The following CUX1 variants were observed in gnomAD, a reference collection of about 807,000 sequenced individuals.
CUX1 encodes protein CASP.
In CUX1, 31 loss-of-function variants were observed where a neutral mutation model predicts 158.8. The observed-to-expected ratio is 0.20, with a 90% CI of 0.15 to 0.26. CUX1 has a LOEUF of 0.26. CUX1 is among the 10% of genes least tolerant of loss of function. CUX1 has a pLI of 1.00. For synonymous variants in CUX1, 879 were observed against 862.1 expected (o/e 1.02, Z -0.34); for missense variants, 1,589 against 2,014.6 (o/e 0.79, Z 4.04).
intron 13 of CUX1, 34 bp downstream of exon 13, chr7:102,193,924 T>A: frequency 6.2e-7 from 1 of 1,608,440 alleles, no homozygotes; most frequent in South Asian, 1.1e-5. Context: ...AGCACTAGCA[T>A]CAGCCCCGCT....
intron 2 of CUX1, among the ~76,000 whole-genome samples, chr7:101,937,874 A>G (rs1481677085): frequency 6.6e-6 from 1 of 152,140 alleles, no homozygotes; most frequent in African/African-American, 2.4e-5. Flanking sequence ...TTTCTAGCAA[A>G]TGTGAGTTCA....
At chr7:102,151,806 T>C (rs1835717452) in intron 8 of CUX1, among the ~76,000 whole-genome samples, 1 of 147,072 alleles carries the variant, frequency 6.8e-6, no homozygotes, top group East Asian at 2.1e-4. Context: ...TTGGTCCTGG[T>C]CTGCAAACAC....
Position 102,256,170 on chromosome 7 carries a change from C to T in CUX1, c.*7128C>T, listed in dbSNP as rs565996520. On this transcript the variant is annotated 3_prime_UTR_variant, in exon 24 of 24. Coordinates refer to ENST00000292535, the MANE Select transcript of CUX1 (RefSeq NM_181552.4). ...CTGACGAGGCAGGATAGGGAGTATC[C>T]GTGATTCAGAAGCTGAGACCCTTCC... 20 of 985,442 alleles carry T rather than the reference C, an allele frequency of 2.0e-5. No individual in the cohort carries two copies. The highest frequency in any genetic ancestry group is 4.7e-5 in the South Asian group (1 of 21,286). 61.0% of individuals were successfully genotyped at this position (985,442 alleles called of 1,614,324 possible). A position where few individuals can be genotyped will look rare whatever the true frequency, so the allele number is the denominator to read the frequency against.
chr7:102,105,891 C>CA (rs1830291977), intron 6 of CUX1, among the ~76,000 whole-genome samples: 3 of 149,796 alleles, frequency 2.0e-5, no homozygotes, highest in Admixed American at 6.6e-5. Context: ...AAAAGAAAAG[C>CA]AAAAAAGGGA....
intron 2 of CUX1, among the ~76,000 whole-genome samples, chr7:101,971,787 C>G (rs185352155): frequency 2.0e-5 from 3 of 152,202 alleles, no homozygotes; most frequent in Non-Finnish European, 4.4e-5. Flanking sequence ...TTACAAGTTG[C>G]TGGCAACCAA....
chr7:101,976,798 C>T (rs1448678750), intron 2 of CUX1, among the ~76,000 whole-genome samples: 1 of 150,686 alleles, frequency 6.6e-6, no homozygotes, highest in Non-Finnish European at 1.5e-5. Context: ...TGTCACAGTT[C>T]AGGGGAAACA....
chr7:102,021,021 G>C (rs955359253), intron 2 of CUX1, among the ~76,000 whole-genome samples: 5 of 152,052 alleles, frequency 3.3e-5, no homozygotes, highest in African/African-American at 1.2e-4. Flanking sequence ...GGTCCCTAAG[G>C]GTCCCCACCT....
At chr7:102,234,304 A>C (rs1554531871) in intron 22 of CUX1, 64 bp downstream of exon 22, 2 of 1,380,342 alleles carry the variant, frequency 1.4e-6, no homozygotes, top group Non-Finnish European at 1.9e-6. Context: ...GTTTCTTTCA[A>C]ATCTTTCACA....
Position 102,097,347 on chromosome 7 carries a change from G to A in CUX1, c.269-17G>A, listed in dbSNP as rs1554484550. On this transcript the variant is annotated splice_polypyrimidine_tract_variant and intron_variant, in intron 4 of 23. Coordinates refer to ENST00000292535, the MANE Select transcript of CUX1 (RefSeq NM_181552.4). ...TTGCTGGCCGAGTGGGGTGATGGCT[G>A]TTTTCCTGTTGTGCAGATCCCGTAC... 1 of 1,599,308 alleles carries A rather than the reference G, an allele frequency of 6.3e-7. No homozygotes were observed. Among genetic ancestry groups the A allele is most frequent in the East Asian group, 2.2e-5 (1 of 44,688 alleles).
rs536949514 is a variant in CUX1, at chr7:101,908,402, T to C, written c.31-7713T>C. Reference sequence around the variant, plus strand: ...CTCAGGTGATTTGCTCGCCTCGGCCTCCCAAAGTGCTGGGATTACGGGCGT... The same window carrying C: ...CTCAGGTGATTTGCTCGCCTCGGCCCCCCAAAGTGCTGGGATTACGGGCGT... On this transcript the variant is annotated intron_variant, in intron 1 of 23. Coordinates refer to ENST00000292535, the MANE Select transcript of CUX1 (RefSeq NM_181552.4). Among the ~76,000 whole-genome samples the C allele has an allele frequency of 3.4e-4, 52 of 152,362 alleles. No homozygotes were observed. In the South Asian group the frequency reaches 9.5e-3, roughly 28 times the overall value.
chr7:101,915,717 G>T (rs1203602680), intron 1 of CUX1, among the ~76,000 whole-genome samples: 1 of 152,206 alleles, frequency 6.6e-6, no homozygotes, highest in Non-Finnish European at 1.5e-5. Flanking sequence ...AGAGTGGCTG[G>T]CTGGAAGGAA....
intron 20 of CUX1, among the ~76,000 whole-genome samples, chr7:102,210,044 C>T (rs1796365326): frequency 6.6e-6 from 1 of 152,072 alleles, no homozygotes; most frequent in Non-Finnish European, 1.5e-5. Flanking sequence ...CTTTCCACCA[C>T]ACTCAGCTAA....
At chr7:101,962,455 G>A (rs1008223970) in intron 2 of CUX1, among the ~76,000 whole-genome samples, 2 of 152,152 alleles carry the variant, frequency 1.3e-5, no homozygotes, top group African/African-American at 2.4e-5. Context: ...TTTCTATTTA[G>A]CGAAGGTTTT....
Position 102,204,570 on chromosome 7 carries a change from T to G in CUX1, c.3073+14T>G, listed in dbSNP as rs373706155. ...AGCAAGGGCCAGGTAATGGGGGTCC[T>G]GCCACAGGAGAGGGGCTGCCCCCCC... On this transcript the variant is annotated intron_variant, in intron 19 of 23. Transcript: ENST00000292535. The G allele has an allele frequency of 6.8e-6, 11 of 1,610,724 alleles. No homozygotes were observed. The highest frequency in any genetic ancestry group is 7.6e-6 in the Non-Finnish European group (9 of 1,178,074).
In CUX1 at chr7:102,216,504, G is replaced by A. The variant is rs575690987; in HGVS notation, c.3131-10863G>A. 6.8e-4 allele frequency among the ~76,000 whole-genome samples: 89 copies of A among 131,190 alleles called. 1 individual carries two copies. The highest frequency in any genetic ancestry group is 1.2e-3 in the Non-Finnish European group (77 of 63,282). 86.1% of individuals were successfully genotyped at this position (131,190 alleles called of 152,430 possible). On this transcript the variant is annotated intron_variant, in intron 20 of 23. Coordinates refer to ENST00000292535, the MANE Select transcript of CUX1 (RefSeq NM_181552.4). ...AACCCTTGAGAAAAAGAGGGCGTGC[G>A]TGTGTGCGCGCACACACACACTCTC...
intron 1 of CUX1, among the ~76,000 whole-genome samples, chr7:101,840,190 C>A (rs1191784995): frequency 1.3e-5 from 2 of 152,170 alleles, no homozygotes; most frequent in Admixed American, 1.3e-4. Flanking sequence ...TAACTTGATT[C>A]TGTTGCATTT....
At chr7:101,905,169 G>T (rs1284702291) in intron 1 of CUX1, among the ~76,000 whole-genome samples, 2 of 152,122 alleles carry the variant, frequency 1.3e-5, no homozygotes, top group South Asian at 4.1e-4. Context: ...ACATTGTCTC[G>T]TATAAACTAT....
intron 1 of CUX1, among the ~76,000 whole-genome samples, chr7:101,828,670 C>T (rs1330040903): frequency 3.3e-5 from 5 of 151,240 alleles, no homozygotes; most frequent in South Asian, 4.2e-4. Flanking sequence ...CGCTCCAGGT[C>T]GGCCCCATTT....
At chr7:101,984,129 TACACACACAC>T (rs56087090) in intron 2 of CUX1, among the ~76,000 whole-genome samples, 1 of 28,974 alleles carries the variant, frequency 3.5e-5, no homozygotes, top group Non-Finnish European at 6.5e-5. Flanking sequence ...TATATATATA[TACACACACAC>T]ATATATATAT....
Sources: allele counts gnomAD v4.1 joint callset (sites outside exome capture counted in the v4.1 genomes callset), GRCh38; gene constraint gnomAD v4.1.1; transcripts MANE v1.5; gene names NCBI Gene and HGNC (gene_info 2026-07-23, HGNC 2026-07-21).